Variants in TTLL5 observed in about 807,000 individuals in gnomAD.
TTLL5 encodes the protein tubulin polyglutamylase TTLL5.
In TTLL5, 132 loss-of-function variants were observed where a neutral mutation model predicts 168.4. The observed-to-expected ratio is 0.78, with a 90% CI of 0.68 to 0.91. The LOEUF is 0.91. TTLL5 is among the 40% of genes least tolerant of loss of function. TTLL5 has a pLI of 0.00. For missense variants in TTLL5, 1,545 were observed against 1,581.5 expected, an observed-to-expected ratio of 0.98 and a Z score of 0.39; for synonymous variants, 546 against 558.6, an observed-to-expected ratio of 0.98 and a Z score of 0.32.
Position 75,867,617 on chromosome 14 carries a change from G to A in TTLL5, c.3522+3755G>A, listed in dbSNP as rs758488648. Among the ~76,000 whole-genome samples, 10 of 152,080 alleles carry A rather than the reference G, an allele frequency of 6.6e-5. 1 individual carries two copies. Among genetic ancestry groups the A allele is most frequent in the African/African-American group, 1.9e-4 (8 of 41,486 alleles). On this transcript the variant is annotated intron_variant, in intron 29 of 31. Coordinates refer to ENST00000298832, the MANE Select transcript of TTLL5 (RefSeq NM_015072.5). The stretch of plus-strand genomic sequence containing the variant: ...TCTACTAAAAATACAAAAATTAGCC[G>A]GGCGTGGTGGCGCATGCCTATAATC...
At position 75,904,266 on chromosome 14, in the gene TTLL5, G is replaced by A. The variant is rs918530777; in HGVS notation, c.3823+2042G>A. On this transcript the variant is annotated intron_variant, in intron 31 of 31. Transcript: ENST00000298832. ...ACATGGTAGTTAACTATATTTTTAA[G>A]AAAGTAAACCTTCACCTGGGATTGT... The A allele has an allele frequency of 8.1e-6, 9 of 1,111,624 alleles. No individual in the cohort carries two copies. In the Admixed American group the frequency reaches 4.0e-4, roughly 50 times the overall value. 68.9% of individuals were successfully genotyped at this position (1,111,624 alleles called of 1,614,324 possible).
chr14:75,671,845 C>T (rs1249390998), intron 3 of TTLL5, among the ~76,000 whole-genome samples: 2 of 152,154 alleles, frequency 1.3e-5, no homozygotes, highest in Non-Finnish European at 2.9e-5. Context: ...AGTTCTTTCT[C>T]TCCAACGTGG....
chr14:75,664,954 CT>C (rs760019391), intron 2 of TTLL5, among the ~76,000 whole-genome samples: 1 of 152,178 alleles, frequency 6.6e-6, no homozygotes, highest in Non-Finnish European at 1.5e-5. Flanking sequence ...CAGTCAAATA[CT>C]GACGATTGCA....
chr14:75,668,078 A>G (rs115986480), intron 2 of TTLL5, among the ~76,000 whole-genome samples: 3,567 of 151,764 alleles, frequency 0.024, 140 homozygotes, highest in African/African-American at 0.081. Context: ...ATCTTTTTAA[A>G]GTTGGATTGG....
chr14:75,841,582 ACT>A (rs780362627), intron 28 of TTLL5, among the ~76,000 whole-genome samples: 24 of 152,164 alleles, frequency 1.6e-4, no homozygotes, highest in Non-Finnish European at 2.5e-4. Flanking sequence ...CCTAAGTCTG[ACT>A]TAGTACATGT....
At chr14:75,670,770 ATTG>A (rs1278479628) in intron 3 of TTLL5, among the ~76,000 whole-genome samples, 2 of 152,074 alleles carry the variant, frequency 1.3e-5, no homozygotes, top group Non-Finnish European at 2.9e-5. Context: ...GGTTTTCTTT[ATTG>A]TTGTTGAATT....
At chr14:75,729,752 G>A (rs1165141348) in intron 12 of TTLL5, among the ~76,000 whole-genome samples, 1 of 152,312 alleles carries the variant, frequency 6.6e-6, no homozygotes, top group East Asian at 1.9e-4. Flanking sequence ...CTCTGTAGAG[G>A]TTGTTTAGCA....
intron 20 of TTLL5, among the ~76,000 whole-genome samples, chr14:75,766,675 G>A (rs1193044964): frequency 6.6e-6 from 1 of 152,146 alleles, no homozygotes; most frequent in African/African-American, 2.4e-5. Flanking sequence ...ATCAGAGACA[G>A]AGAGCTCAGG....
chr14:75,867,774 G>GA (rs2030648631), intron 29 of TTLL5, among the ~76,000 whole-genome samples: 1 of 145,970 alleles, frequency 6.9e-6, no homozygotes. Context: ...AAAAAAAAAA[G>GA]CAAAAAAAAA....
rs377045485 is a variant in TTLL5 at position 75,690,340 on chromosome 14, A to C, written c.502+18A>C. The C allele has an allele frequency of 6.3e-7, 1 of 1,590,664 alleles. No homozygotes were observed. On this transcript the variant is annotated intron_variant, in intron 6 of 31. Coordinates refer to ENST00000298832, the MANE Select transcript of TTLL5 (RefSeq NM_015072.5). ...ATTTTGTAGTAAGTGCTTGACAGAGAATGCCCCAGTCCCCAGCAACTGAAC... is the reference window on the plus strand; with the variant it reads ...ATTTTGTAGTAAGTGCTTGACAGAGCATGCCCCAGTCCCCAGCAACTGAAC...
At position 75,926,156 on chromosome 14, in the gene TTLL5, CTTTTTTTTTTTT is replaced by C. The variant is rs34048806; in HGVS notation, c.3823+23949_3823+23960del. 9.7e-4 allele frequency among the ~76,000 whole-genome samples: 29 copies of C among 29,952 alleles called. 1 individual carries two copies. Among genetic ancestry groups the C allele is most frequent in the African/African-American group, 2.1e-3 (11 of 5,182 alleles). 19.6% of individuals were successfully genotyped at this position (29,952 alleles called of 152,430 possible). ...TTAAAGACTAGGATTGCAACCCCAG[CTTTTTTTTTTTT>C]TTTTTTTTTTTTTTTTGCTTTCCAT... On this transcript the variant is annotated intron_variant, in intron 31 of 31. Transcript: ENST00000298832.
chr14:75,689,132 G>A (rs142994439), intron 5 of TTLL5, among the ~76,000 whole-genome samples: 24 of 152,294 alleles, frequency 1.6e-4, no homozygotes, highest in African/African-American at 5.5e-4. Flanking sequence ...CAGTTGTCAC[G>A]TCATGAAGGC....
chr14:75,752,994 C>T, intron 18 of TTLL5, 39 bp downstream of exon 18: 1 of 1,558,770 alleles, frequency 6.4e-7, no homozygotes, highest in Non-Finnish European at 8.8e-7. Context: ...GACTAGATCA[C>T]AAGATTAACA....
At chr14:75,934,280 G>A (rs920538167) in intron 31 of TTLL5, among the ~76,000 whole-genome samples, 1 of 152,232 alleles carries the variant, frequency 6.6e-6, no homozygotes, top group African/African-American at 2.4e-5. Flanking sequence ...AGGAGTCACA[G>A]AGGTCATTAA....
intron 29 of TTLL5, among the ~76,000 whole-genome samples, chr14:75,871,114 T>A (rs966384809): frequency 2.0e-5 from 3 of 152,132 alleles, no homozygotes; most frequent in Non-Finnish European, 4.4e-5. Context: ...TTTTTCAATA[T>A]CATATAAGTC....
Position 75,727,946 on chromosome 14 carries a change from GGT to G in TTLL5, c.1043-4391_1043-4390del, listed in dbSNP as rs1280162201. ...TTCTATGTGGGCTGACAGGCATGTG[GGT>G]TACATGGATATGTCCAATTATCAAG... On this transcript the variant is annotated intron_variant, in intron 12 of 31. Transcript: ENST00000298832. 1,193 of 415,454 alleles carry G rather than the reference GGT, an allele frequency of 2.9e-3. 13 individuals are homozygous for G. Among genetic ancestry groups the G allele is most frequent in the African/African-American group, 0.023 (1,127 of 48,420 alleles). The allele number at this position is 415,454 out of a possible 1,614,324, so 25.7% of individuals were successfully genotyped here. A position where few individuals can be genotyped will look rare whatever the true frequency, so the allele number is the denominator to read the frequency against.
In TTLL5 at chr14:75,699,205, C is replaced by CGGG. The variant is rs1476471921; in HGVS notation, c.522_524dup (p.Gly175dup). 1 of 1,613,586 alleles carries CGGG rather than the reference C, an allele frequency of 6.2e-7. No homozygotes were observed. The highest frequency in any genetic ancestry group is 1.3e-5 in the African/African-American group (1 of 74,842). On this transcript the variant is annotated inframe_insertion, in exon 7 of 32. Transcript: ENST00000298832. ...TTGAGCAGATTCATATTCGAAGGAC[C>CGGG]GGGGACCTTGGATAGTAAAACCAGT... is the stretch of plus-strand genomic sequence containing the variant.
At chr14:75,662,777 A>T (rs1225626670) in intron 1 of TTLL5, among the ~76,000 whole-genome samples, 1 of 152,180 alleles carries the variant, frequency 6.6e-6, no homozygotes, top group East Asian at 1.9e-4. Flanking sequence ...CTTTTGGTGC[A>T]TATTCGATTT....
intron 27 of TTLL5, among the ~76,000 whole-genome samples, chr14:75,800,008 C>T (rs1181460714): frequency 2.0e-5 from 3 of 152,192 alleles, no homozygotes; most frequent in Non-Finnish European, 2.9e-5. Flanking sequence ...TTGGATGTCT[C>T]GATCTTTGGC....
Sources: gnomAD v4.1 joint callset for allele counts (sites outside exome capture counted in the v4.1 genomes callset) on GRCh38, gnomAD v4.1.1 for gene constraint, MANE v1.5 for transcripts, NCBI Gene and HGNC (gene_info 2026-07-23, HGNC 2026-07-21) for gene names.